The following CTNNA3 variants were observed in gnomAD, a reference collection of about 807,000 sequenced individuals.
CTNNA3 encodes the protein catenin alpha-3.
A neutral mutation model predicts 95.7 loss-of-function variants in CTNNA3; 76 were observed. The observed-to-expected ratio is 0.79, with a 90% CI of 0.66 to 0.96. The LOEUF (loss-of-function observed/expected upper bound fraction) is 0.96. Ranked by LOEUF, CTNNA3 falls within the 40% of genes least tolerant of loss-of-function variation. The pLI is 0.00. For missense variants in CTNNA3, 1,191 were observed against 1,089.8 expected, an observed-to-expected ratio of 1.09 and a Z score of -1.31; for synonymous variants, 431 against 374.4, an observed-to-expected ratio of 1.15 and a Z score of -1.74.
chr10:66,362,047 G>T (rs2092679944), intron 12 of CTNNA3, among the ~76,000 whole-genome samples: 2 of 149,556 alleles, frequency 1.3e-5, no homozygotes, highest in South Asian at 4.2e-4. Flanking sequence ...CACTGGTTTT[G>T]CTCAAAACAG....
intron 7 of CTNNA3, among the ~76,000 whole-genome samples, chr10:67,017,580 T>C (rs765653166): frequency 2.5e-4 from 38 of 152,172 alleles, no homozygotes; most frequent in Non-Finnish European, 3.5e-4. Flanking sequence ...CCTCTTGCAG[T>C]AACAGAAACT....
intron 13 of CTNNA3, among the ~76,000 whole-genome samples, chr10:66,238,548 T>A (rs1192016504): frequency 1.3e-5 from 2 of 151,860 alleles, no homozygotes; most frequent in Non-Finnish European, 2.9e-5. Flanking sequence ...AAATACACAG[T>A]AAAAATAGCA....
chr10:66,340,477 AGT>A (rs564640158), intron 12 of CTNNA3, among the ~76,000 whole-genome samples: 37 of 151,888 alleles, frequency 2.4e-4, no homozygotes, highest in African/African-American at 8.2e-4. Context: ...GATAGTATAG[AGT>A]GTATATATGT....
intron 9 of CTNNA3, among the ~76,000 whole-genome samples, chr10:66,688,350 G>C (rs1847377890): frequency 6.6e-6 from 1 of 151,984 alleles, no homozygotes; most frequent in African/African-American, 2.4e-5. Flanking sequence ...TGATTTTCTA[G>C]TCACACCAGC....
rs77555476 is a variant in CTNNA3, at chr10:66,247,504, C to T, written c.1884+32966G>A. Among the ~76,000 whole-genome samples, 625 of 152,166 alleles carry T rather than the reference C, an allele frequency of 4.1e-3. 10 individuals are homozygous for T. The highest frequency in any genetic ancestry group is 0.032 in the East Asian group (163 of 5,172). On this transcript the variant is annotated intron_variant, in intron 13 of 17. Transcript: ENST00000433211. ...TTAAGTACAATAGGGTTATAGAACA[C>T]CATGCAGCTGCAACTGAAAGTGGAA... is the stretch of plus-strand genomic sequence containing the variant.
rs1842845100 is a variant in CTNNA3 at position 67,357,346 on chromosome 10, GA to G, written c.580-137477del. On this transcript the variant is annotated intron_variant, in intron 5 of 17. Transcript: ENST00000433211. ...TCTGGAAAACCCAAGAGAATCAACT[GA>G]AAAAAATACTATAAACAATATGAGA... 4.0e-5 allele frequency among the ~76,000 whole-genome samples: 6 copies of G among 151,860 alleles called. No homozygotes were observed. The South Asian group carries it at 1.2e-3, about 32-fold the overall frequency.
At chr10:67,740,034 C>T (rs1272303250) in intron 1 of CTNNA3, among the ~76,000 whole-genome samples, 1 of 152,060 alleles carries the variant, frequency 6.6e-6, no homozygotes, top group Non-Finnish European at 1.5e-5. Flanking sequence ...CTTTGACAAA[C>T]CTGAGAAAAA....
chr10:66,668,786 T>C (rs774813048), intron 9 of CTNNA3, among the ~76,000 whole-genome samples: 33 of 152,158 alleles, frequency 2.2e-4, no homozygotes, highest in Non-Finnish European at 2.9e-4. Flanking sequence ...CACTCCAGCC[T>C]GGGCGACAGA....
chr10:66,091,159 T>C (rs530301987), intron 14 of CTNNA3, among the ~76,000 whole-genome samples: 1 of 152,042 alleles, frequency 6.6e-6, no homozygotes. Flanking sequence ...ATGATGACAA[T>C]TTAAGGCAGA....
At chr10:67,699,967 T>C (rs1841022547), upstream of CTNNA3, among the ~76,000 whole-genome samples, 1 of 152,176 alleles carries the variant, frequency 6.6e-6, no homozygotes, top group Non-Finnish European at 1.5e-5. Context: ...CACCAGGAGA[T>C]TATATCCCGC....
chr10:65,935,311 C>T (rs1362863978), intron 17 of CTNNA3, among the ~76,000 whole-genome samples: 1 of 152,124 alleles, frequency 6.6e-6, no homozygotes, highest in Non-Finnish European at 1.5e-5. Context: ...AGAGATGGAT[C>T]TGCCAATGTC....
intron 5 of CTNNA3, among the ~76,000 whole-genome samples, chr10:67,232,617 A>G (rs1865269925): frequency 2.0e-5 from 3 of 151,984 alleles, no homozygotes; most frequent in African/African-American, 7.2e-5. Flanking sequence ...GAGCAAAATA[A>G]CCAGCTAACA....
intron 1 of CTNNA3, among the ~76,000 whole-genome samples, chr10:67,689,406 T>C (rs1237165618): frequency 6.6e-6 from 1 of 151,942 alleles, no homozygotes; most frequent in Non-Finnish European, 1.5e-5. Flanking sequence ...CTAAAGAAGG[T>C]AAAAGAGTCC....
chr10:67,399,583 T>C (rs1004534755), intron 5 of CTNNA3, among the ~76,000 whole-genome samples: 3 of 152,012 alleles, frequency 2.0e-5, no homozygotes, highest in Non-Finnish European at 4.4e-5. Flanking sequence ...TCTCCCAAGG[T>C]TTTTTCCAGG....
At chr10:66,634,117 A>G (rs1004955055) in intron 9 of CTNNA3, among the ~76,000 whole-genome samples, 1 of 152,140 alleles carries the variant, frequency 6.6e-6, no homozygotes, top group Admixed American at 6.6e-5. Context: ...TTCCTTTTCT[A>G]TATTCTTAAT....
chr10:67,674,625 A>T (rs1434866347), intron 1 of CTNNA3, among the ~76,000 whole-genome samples: 1 of 152,154 alleles, frequency 6.6e-6, no homozygotes, highest in African/African-American at 2.4e-5. Context: ...TTTAACTCCC[A>T]TCAACATGGG....
At position 66,927,109 on chromosome 10, in the gene CTNNA3, G is replaced by C. The variant is rs1286650917; in HGVS notation, c.1048-151585C>G. ...CTCAAGTATATCTGCTGGTTGCTTA[G>C]GTTTGTCCCTTCGCTATAACAGCCT... On this transcript the variant is annotated intron_variant, in intron 7 of 17. Coordinates refer to ENST00000433211, the MANE Select transcript of CTNNA3 (RefSeq NM_013266.4). The surrounding 1 kb of genome is among the most constrained non-coding windows in gnomAD (Gnocchi z 4.7). The C allele has an allele frequency of 6.2e-7, 1 of 1,614,110 alleles. No individual in the cohort carries two copies. Among genetic ancestry groups the C allele is most frequent in the South Asian group, 1.1e-5 (1 of 91,080 alleles).
rs1304064438 is a variant in CTNNA3 at position 67,726,359 on chromosome 10, A to AAAT, written c.-2+37074_-2+37075insATT. On this transcript the variant is annotated intron_variant, in intron 1 of 17. Coordinates refer to the CTNNA3 transcript ENST00000684154. Reference sequence around the variant, plus strand: ...TTATATATAATATATGATATATATGATATAATATATGATATTATATATGAA... The same window carrying AAAT: ...TTATATATAATATATGATATATATGAAATTATAATATATGATATTATATATGAA... 4.2e-4 allele frequency among the ~76,000 whole-genome samples: 35 copies of AAAT among 82,430 alleles called. 2 individuals are homozygous for AAAT. Among genetic ancestry groups the AAAT allele is most frequent in the African/African-American group, 2.0e-3 (35 of 17,808 alleles). 54.1% of individuals were successfully genotyped at this position (82,430 alleles called of 152,430 possible). A position where few individuals can be genotyped will look rare whatever the true frequency, so the allele number is the denominator to read the frequency against.
At chr10:66,726,072 T>A (rs1443211072) in intron 9 of CTNNA3, among the ~76,000 whole-genome samples, 1 of 152,102 alleles carries the variant, frequency 6.6e-6, no homozygotes, top group Non-Finnish European at 1.5e-5. Flanking sequence ...TAAATTGTAA[T>A]GAGTAAAATA....
Sources: allele counts gnomAD v4.1 joint callset (sites outside exome capture counted in the v4.1 genomes callset), GRCh38; gene constraint gnomAD v4.1.1; non-coding constraint Gnocchi (gnomAD v3.1); transcripts MANE v1.5; gene names NCBI Gene and HGNC (gene_info 2026-07-23, HGNC 2026-07-21).